Variants in TRAPPC9 observed in about 807,000 individuals in gnomAD.
TRAPPC9 encodes the protein IKK2 binding protein.
TRAPPC9 carries 83 observed loss-of-function variants against 124.0 expected under a neutral mutation model. The ratio of observed to expected loss-of-function variants is 0.67; its 90% confidence interval spans 0.56 to 0.80. The LOEUF is 0.80. Ranked by LOEUF, TRAPPC9 falls within the 30% of genes least tolerant of loss-of-function variation. TRAPPC9 has a pLI of 0.00. For missense variants in TRAPPC9, 1,302 were observed against 1,508.3 expected, an observed-to-expected ratio of 0.86 and a Z score of 2.27; for synonymous variants, 638 against 617.5, an observed-to-expected ratio of 1.03 and a Z score of -0.49.
chr8:139,834,216 CA>C (rs1826180844), intron 21 of TRAPPC9, among the ~76,000 whole-genome samples: 1 of 152,166 alleles, frequency 6.6e-6, no homozygotes, highest in Non-Finnish European at 1.5e-5. Context: ...TGGTTAGTGC[CA>C]CCTGCTAGGC....
rs2063208031 is a variant in TRAPPC9, at chr8:140,216,811, T to C, written c.2556+4648A>G. On this transcript the variant is annotated intron_variant, in intron 17 of 22. Transcript: ENST00000438773. The surrounding 1 kb of genome is among the most constrained non-coding windows in gnomAD (Gnocchi z 4.1). Reference sequence around the variant, plus strand: ...TGAGTGCAACTTCCTCTCACAGGCCTTCCTCGACTTCCTCCGTGCAGCCAT... The same window carrying C: ...TGAGTGCAACTTCCTCTCACAGGCCCTCCTCGACTTCCTCCGTGCAGCCAT... 6.6e-6 allele frequency among the ~76,000 whole-genome samples: 1 copy of C among 152,216 alleles called. No homozygotes were observed. Among genetic ancestry groups the C allele is most frequent in the African/African-American group, 2.4e-5 (1 of 41,452 alleles).
intron 17 of TRAPPC9, among the ~76,000 whole-genome samples, chr8:140,060,174 A>T (rs965190115): frequency 2.6e-5 from 4 of 152,194 alleles, no homozygotes; most frequent in African/African-American, 9.7e-5. Flanking sequence ...CTCTTAAGGC[A>T]CATCCAGAGT....
At chr8:139,964,464 T>A (rs1273615512) in intron 19 of TRAPPC9, among the ~76,000 whole-genome samples, 1 of 152,048 alleles carries the variant, frequency 6.6e-6, no homozygotes, top group Non-Finnish European at 1.5e-5. Context: ...GTGGCTATGA[T>A]CTAAGAAGCC....
chr8:140,213,962 G>A (rs773175315), intron 17 of TRAPPC9, among the ~76,000 whole-genome samples: 2 of 152,176 alleles, frequency 1.3e-5, no homozygotes, highest in East Asian at 1.9e-4. Context: ...GTTCACAGTC[G>A]TTCCAGCCAC....
intron 21 of TRAPPC9, among the ~76,000 whole-genome samples, chr8:139,870,479 T>C (rs1047782601): frequency 6.6e-6 from 1 of 152,192 alleles, no homozygotes; most frequent in Non-Finnish European, 1.5e-5. Flanking sequence ...AGGATATTTG[T>C]TGCCATCATG....
rs59810983 is a variant in TRAPPC9, at chr8:139,947,907, TAGAGAGAGAG to T, written c.2811-37617_2811-37608del. On this transcript the variant is annotated intron_variant, in intron 19 of 22. Transcript: ENST00000438773. ...AGAAATATGTGTGTATATATATATA[TAGAGAGAGAG>T]AGAGAGCGAGAGAGAGAGAGAGAGA... Among the ~76,000 whole-genome samples, 6 of 60,366 alleles carry T rather than the reference TAGAGAGAGAG, an allele frequency of 9.9e-5. 2 individuals are homozygous for T. The highest frequency in any genetic ancestry group is 1.7e-4 in the African/African-American group (3 of 17,352). 39.6% of individuals were successfully genotyped at this position (60,366 alleles called of 152,430 possible).
intron 6 of TRAPPC9, among the ~76,000 whole-genome samples, chr8:140,398,151 C>A (rs2069150118): frequency 1.3e-5 from 2 of 152,208 alleles, no homozygotes; most frequent in Admixed American, 1.3e-4. Flanking sequence ...TGAGGCTTCC[C>A]CAGCCACACA....
chr8:140,292,195 T>C (rs920015935), intron 11 of TRAPPC9, among the ~76,000 whole-genome samples: 3 of 152,140 alleles, frequency 2.0e-5, no homozygotes, highest in East Asian at 3.9e-4. Flanking sequence ...TCAGAATCAA[T>C]CAACAGGTGG....
chr8:139,774,783 A>G (rs1821244352), intron 21 of TRAPPC9, among the ~76,000 whole-genome samples: 1 of 152,182 alleles, frequency 6.6e-6, no homozygotes, highest in Non-Finnish European at 1.5e-5. Context: ...AAGGGAGCAG[A>G]ATCTCTCCAG....
chr8:140,337,133 C>T (rs114807974), intron 9 of TRAPPC9, among the ~76,000 whole-genome samples: 153 of 152,254 alleles, frequency 1.0e-3, no homozygotes, highest in African/African-American at 3.0e-3. Context: ...GCCAGGCGCC[C>T]GGAACTGTAA....
intron 18 of TRAPPC9, 149 bp from the exon 19 acceptor site, chr8:139,988,985 A>G: frequency 2.9e-6 from 2 of 691,396 alleles, no homozygotes; most frequent in Admixed American, 4.1e-5. Flanking sequence ...AGGATTACGG[A>G]GACTGGTTCT....
At chr8:140,283,332 T>C (rs1194727585) in intron 14 of TRAPPC9, among the ~76,000 whole-genome samples, 2 of 138,132 alleles carry the variant, frequency 1.4e-5, no homozygotes, top group African/African-American at 5.4e-5. Flanking sequence ...TCTCGCTCTG[T>C]CGCCCAGGCT....
intron 19 of TRAPPC9, among the ~76,000 whole-genome samples, chr8:139,980,812 G>A (rs576648681): frequency 1.4e-4 from 22 of 152,302 alleles, no homozygotes; most frequent in African/African-American, 4.6e-4. Flanking sequence ...CAGGGTGGGC[G>A]TGGGAGGAGC....
intron 2 of TRAPPC9, among the ~76,000 whole-genome samples, chr8:140,442,233 T>C (rs1415930891): frequency 6.6e-6 from 1 of 152,220 alleles, no homozygotes; most frequent in Non-Finnish European, 1.5e-5. Context: ...CAAAAAGTCA[T>C]ATAAATACTC....
intron 21 of TRAPPC9, among the ~76,000 whole-genome samples, chr8:139,875,817 C>T (rs905925511): frequency 6.6e-6 from 1 of 152,246 alleles, no homozygotes; most frequent in Non-Finnish European, 1.5e-5. Flanking sequence ...CCTCCACAGG[C>T]CTCAGAAGTA....
chr8:139,784,859 C>T (rs971628876), intron 21 of TRAPPC9, among the ~76,000 whole-genome samples: 1 of 151,812 alleles, frequency 6.6e-6, no homozygotes, highest in African/African-American at 2.4e-5. Context: ...TAGGAAAACT[C>T]AATACAAAGA....
chr8:139,971,806 T>C (rs1215440556), intron 19 of TRAPPC9, among the ~76,000 whole-genome samples: 2 of 145,964 alleles, frequency 1.4e-5, no homozygotes, highest in African/African-American at 2.5e-5. Context: ...TATATATACA[T>C]ATATATATAT....
intron 17 of TRAPPC9, among the ~76,000 whole-genome samples, chr8:140,140,069 G>A (rs2061361062): frequency 6.6e-6 from 1 of 152,196 alleles, no homozygotes; most frequent in Non-Finnish European, 1.5e-5. Context: ...TGTGCAGTGA[G>A]TGGCAAACAG....
intron 7 of TRAPPC9, among the ~76,000 whole-genome samples, chr8:140,396,995 CCTA>C (rs1215546774): frequency 3.3e-5 from 5 of 152,122 alleles, no homozygotes. Context: ...ATTACAGTGA[CCTA>C]CGTTCTCATA....
Sources: allele counts gnomAD v4.1 joint callset (sites outside exome capture counted in the v4.1 genomes callset), GRCh38; gene constraint gnomAD v4.1.1; non-coding constraint Gnocchi (gnomAD v3.1); transcripts MANE v1.5; gene names NCBI Gene and HGNC (gene_info 2026-07-23, HGNC 2026-07-21).